BMPR2: variants seen among roughly 807,000 people sequenced by gnomAD.
BMPR2 encodes the protein bone morphogenetic protein receptor type-2.
In BMPR2, 29 loss-of-function variants were observed where a neutral mutation model predicts 100.8. The ratio of observed to expected loss-of-function variants is 0.29; its 90% CI spans 0.21 to 0.39. The LOEUF is 0.39. BMPR2 is among the 10% of genes least tolerant of loss of function. The pLI, the probability that BMPR2 is intolerant of heterozygous loss-of-function variation, is 1.00. For synonymous variants in BMPR2, 382 were observed against 442.3 expected (o/e 0.86, Z 1.71); for missense variants, 1,011 against 1,274.5 (o/e 0.79, Z 3.15).
intron 10 of BMPR2, among the ~76,000 whole-genome samples, chr2:202,543,037 C>T (rs929408438): frequency 6.6e-6 from 1 of 151,274 alleles, no homozygotes; most frequent in African/African-American, 2.4e-5. Context: ...ATTAGCCGGG[C>T]GTGGTGGCGT....
At chr2:202,493,865 C>T (rs1290960429) in intron 3 of BMPR2, among the ~76,000 whole-genome samples, 1 of 152,038 alleles carries the variant, frequency 6.6e-6, no homozygotes, top group East Asian at 1.9e-4. Flanking sequence ...TTCAATTAGC[C>T]AAGTATGGGC....
chr2:202,449,213 C>T (rs1691923936), intron 1 of BMPR2, among the ~76,000 whole-genome samples: 1 of 151,794 alleles, frequency 6.6e-6, no homozygotes, highest in African/African-American at 2.4e-5. Context: ...GAGGCTGAGG[C>T]AGGAGAATCG....
chr2:202,457,739 G>T (rs927078751), intron 1 of BMPR2, among the ~76,000 whole-genome samples: 4 of 151,288 alleles, frequency 2.6e-5, no homozygotes, highest in Admixed American at 1.3e-4. Flanking sequence ...GACTTTTTTG[G>T]TTTTTTTTGA....
chr2:202,484,711 A>T (rs1692736430), intron 3 of BMPR2, among the ~76,000 whole-genome samples: 1 of 149,236 alleles, frequency 6.7e-6, no homozygotes, highest in South Asian at 2.1e-4. Context: ...TCACGCCTGT[A>T]ATCCCAGCAC....
rs929064380 is a variant in BMPR2, at chr2:202,566,293, T to G, written c.*6347T>G. On this transcript the variant is annotated 3_prime_UTR_variant, in exon 13 of 13. Transcript: ENST00000374580. ...AAAACTCAGGGCCCCTTTCATCCCTTTGTACACTGAAAAAGTTCAATTGTT... is the reference window on the plus strand; with the variant it reads ...AAAACTCAGGGCCCCTTTCATCCCTGTGTACACTGAAAAAGTTCAATTGTT... 6.6e-6 allele frequency: 1 copy of G among 152,648 alleles called. No individual in the cohort carries two copies. Among genetic ancestry groups the G allele is most frequent in the Non-Finnish European group, 1.5e-5 (1 of 68,018 alleles). The allele number at this position is 152,648 out of a possible 1,614,324, so 9.5% of individuals were successfully genotyped here.
chr2:202,534,132 C>T, intron 9 of BMPR2, among the ~76,000 whole-genome samples: 1 of 150,334 alleles, frequency 6.7e-6, no homozygotes, highest in East Asian at 1.9e-4. Context: ...GCTTTAAAGA[C>T]ATTAGGCATT....
In BMPR2 at chr2:202,555,436, C is replaced by T. The variant is rs777458559; in HGVS notation, c.1771C>T (p.Arg591Ter). ...EKNRNSINYE[R>*]QQAQARIPSP... ...AAACCGAAATTCAATTAACTATGAA[C>T]GACAGCAAGCACAAGCTCGAATCCC... The change falls in exon 12 of 13, where the codon CGA (arginine) becomes TGA (stop). Residue 591 changes from arginine to a stop codon, truncating the protein, a stop_gained. Transcript: ENST00000374580. LOFTEE classifies it high-confidence loss of function. The T allele has an allele frequency of 5.0e-6, 8 of 1,614,014 alleles. No homozygotes were observed. The highest frequency in any genetic ancestry group is 1.3e-5 in the African/African-American group (1 of 74,880).
intron 1 of BMPR2, among the ~76,000 whole-genome samples, chr2:202,400,847 T>C (rs1016199336): frequency 1.3e-5 from 2 of 152,226 alleles, no homozygotes; most frequent in Non-Finnish European, 2.9e-5. Flanking sequence ...TTTATTCATG[T>C]AAATCAATTT....
At chr2:202,535,837 C>T (rs1688145321) in intron 9 of BMPR2, among the ~76,000 whole-genome samples, 2 of 152,358 alleles carry the variant, frequency 1.3e-5, no homozygotes, top group Non-Finnish European at 2.9e-5. Flanking sequence ...AATCCCGGCA[C>T]CTCGGGAGGC....
chr2:202,478,321 C>T (rs1187198466), intron 3 of BMPR2, among the ~76,000 whole-genome samples: 3 of 152,080 alleles, frequency 2.0e-5, no homozygotes, highest in African/African-American at 7.2e-5. Context: ...TGCTGTTGGC[C>T]ATGAGTTAAG....
chr2:202,438,164 T>G (rs1691654334), intron 1 of BMPR2, among the ~76,000 whole-genome samples: 1 of 149,632 alleles, frequency 6.7e-6, no homozygotes, highest in Non-Finnish European at 1.5e-5. Flanking sequence ...AAATACAAAA[T>G]TAGCCAGGCA....
At chr2:202,476,853 C>A (rs1692561557) in intron 3 of BMPR2, among the ~76,000 whole-genome samples, 1 of 150,722 alleles carries the variant, frequency 6.6e-6, no homozygotes. Context: ...ACACGGACAA[C>A]TTCAATATAC....
chr2:202,393,164 A>C (rs1161313182), intron 1 of BMPR2, among the ~76,000 whole-genome samples: 1 of 152,204 alleles, frequency 6.6e-6, no homozygotes, highest in Non-Finnish European at 1.5e-5. Context: ...AACTGGAATT[A>C]AACTGGAATT....
At chr2:202,388,246 A>C (rs1690470620) in intron 1 of BMPR2, among the ~76,000 whole-genome samples, 1 of 151,462 alleles carries the variant, frequency 6.6e-6, no homozygotes, top group Admixed American at 6.6e-5. Context: ...AAAATACAAA[A>C]ATTAGCTGGG....
chr2:202,532,857 C>T lies in BMPR2; in HGVS notation c.1276+125C>T. On this transcript the variant is annotated intron_variant, in intron 9 of 12. Coordinates refer to ENST00000374580, the MANE Select transcript of BMPR2 (RefSeq NM_001204.7). The surrounding 1 kb of genome is among the most constrained non-coding windows in gnomAD (Gnocchi z 4.1). ...TTTACTTTCATTTAAACCTTTAGTT[C>T]ATTGCTATCTAGTGTTTAGAAACAT... 8.6e-7 allele frequency: 1 copy of T among 1,160,392 alleles called. No individual in the cohort carries two copies. The highest frequency in any genetic ancestry group is 1.2e-6 in the Non-Finnish European group (1 of 821,224). 71.9% of individuals were successfully genotyped at this position (1,160,392 alleles called of 1,614,324 possible).
chr2:202,421,655 A>G (rs1337510804), intron 1 of BMPR2, among the ~76,000 whole-genome samples: 1 of 151,776 alleles, frequency 6.6e-6, no homozygotes, highest in African/African-American at 2.4e-5. Flanking sequence ...AAAAAAAAAA[A>G]AAGAATTTGG....
At chr2:202,388,720 G>A (rs1690485060) in intron 1 of BMPR2, among the ~76,000 whole-genome samples, 2 of 151,420 alleles carry the variant, frequency 1.3e-5, no homozygotes, top group South Asian at 4.2e-4. Flanking sequence ...CCTGAGAGGT[G>A]GAGGTTGCAG....
At chr2:202,513,690 A>G (rs760639661) in intron 3 of BMPR2, 29 bp from the exon 4 acceptor site, 13 of 1,551,440 alleles carry the variant, frequency 8.4e-6, no homozygotes, top group Non-Finnish European at 9.8e-6. Flanking sequence ...TTAAAAAAAA[A>G]TGACATTTCA....
intron 9 of BMPR2, among the ~76,000 whole-genome samples, chr2:202,536,255 G>C (rs1688155891): frequency 6.6e-6 from 1 of 152,012 alleles, no homozygotes. Flanking sequence ...TGGGACTACA[G>C]GCATGCACCA....
Sources: allele counts gnomAD v4.1 joint callset (sites outside exome capture counted in the v4.1 genomes callset), GRCh38; gene constraint gnomAD v4.1.1; non-coding constraint Gnocchi (gnomAD v3.1); transcripts MANE v1.5; gene names NCBI Gene and HGNC (gene_info 2026-07-23, HGNC 2026-07-21).